The following NCOA3 variants were observed in gnomAD, a reference collection of about 807,000 sequenced individuals.
The protein encoded by NCOA3 is CBP-interacting protein.
NCOA3 carries 51 observed loss-of-function variants against 158.8 expected under a neutral mutation model. The observed-to-expected ratio is 0.32, with a 90% CI of 0.26 to 0.41. The LOEUF (loss-of-function observed/expected upper bound fraction) is 0.41. Among genes scored for constraint, NCOA3 ranks in the 10% least tolerant of loss-of-function variants. The pLI, the probability that NCOA3 is intolerant of heterozygous loss-of-function variation, is 1.00. For synonymous variants in NCOA3, 537 were observed against 592.4 expected, an observed-to-expected ratio of 0.91 and a Z score of 1.36; for missense variants, 1,510 against 1,746.6, an observed-to-expected ratio of 0.86 and a Z score of 2.41.
At chr20:47,650,934 G>T (rs551376513) in intron 19 of NCOA3, 48 bp from the exon 20 acceptor site, 1 of 1,555,480 alleles carries the variant, frequency 6.4e-7, no homozygotes, top group East Asian at 2.3e-5. Context: ...TATGCAACTG[G>T]CAGGTTCTTG....
At chr20:47,581,721 G>A (rs771758706) in intron 1 of NCOA3, among the ~76,000 whole-genome samples, 4 of 152,214 alleles carry the variant, frequency 2.6e-5, no homozygotes, top group African/African-American at 4.8e-5. Context: ...TAAAGTGAAT[G>A]TTCTTACTGG....
rs141950252 is a variant in NCOA3, at chr20:47,519,293, G to A, written c.-99+17274G>A. 2.8e-3 allele frequency among the ~76,000 whole-genome samples: 423 copies of A among 151,950 alleles called. 1 individual carries two copies. The highest frequency in any genetic ancestry group is 9.1e-3 in the African/African-American group (379 of 41,462). ...CTACTAAAAATATGAAAAGCCAGGC[G>A]TGGTGGCGTGTGCCTGTAGTCCCAG... On this transcript the variant is annotated intron_variant, in intron 1 of 22. Coordinates refer to ENST00000371998, the MANE Select transcript of NCOA3 (RefSeq NM_181659.3).
At chr20:47,606,739 T>C (rs963705715) in intron 2 of NCOA3, among the ~76,000 whole-genome samples, 3 of 152,250 alleles carry the variant, frequency 2.0e-5, no homozygotes, top group Admixed American at 1.3e-4. Flanking sequence ...ACACCATTTT[T>C]ACTTGGATGA....
rs886303773 is a variant in NCOA3, at chr20:47,555,349, G to A, written c.-98-27834G>A. Among the ~76,000 whole-genome samples, 9 of 152,198 alleles carry A rather than the reference G, an allele frequency of 5.9e-5. 1 individual carries two copies. The highest frequency in any genetic ancestry group is 2.9e-5 in the Non-Finnish European group (2 of 68,042). ...TCTAGAAAAAAGAATATTGGAGTGG[G>A]AGGCCAGGGCCCTGCACTGATCTTC... On this transcript the variant is annotated intron_variant, in intron 1 of 22. Transcript: ENST00000371998.
At chr20:47,512,694 A>G (rs1454530024) in intron 1 of NCOA3, among the ~76,000 whole-genome samples, 3 of 152,178 alleles carry the variant, frequency 2.0e-5, no homozygotes, top group Admixed American at 6.5e-5. Flanking sequence ...TGAAAACTAC[A>G]ATGAGATACC....
At chr20:47,502,649 G>A (rs2083956350) in intron 1 of NCOA3, among the ~76,000 whole-genome samples, 1 of 151,900 alleles carries the variant, frequency 6.6e-6, no homozygotes, top group Non-Finnish European at 1.5e-5. Context: ...GCTGGGAAAT[G>A]GCAAGTGGGA....
intron 1 of NCOA3, among the ~76,000 whole-genome samples, chr20:47,516,795 C>T (rs540927602): frequency 7.2e-5 from 11 of 152,072 alleles, no homozygotes; most frequent in Non-Finnish European, 1.5e-4. Context: ...GGCATAGTGG[C>T]ACACACCTGT....
rs149561356 is a variant in NCOA3 at position 47,647,173 on chromosome 20, A to C, written c.3353A>C (p.Gln1118Pro). The change falls in exon 18 of 23, where the codon CAG becomes CCG. Residue 1118 changes from glutamine to proline, a missense_variant. Physicochemically the swap from Gln to Pro is moderately conservative, Grantham distance 76. This residue lies in a region of NCOA3 where 1,017 missense variants were observed against 1,098.3 expected (regional missense o/e 0.93). Transcript: ENST00000371998. ...AGLYGQTYPA[Q>P]GPPMQGGFHL... ...TTATATGGACAGACATACCCAGCAC[A>C]GGGGCCTCCAATGCAAGGAGGCTTT... is the stretch of plus-strand genomic sequence containing the variant. 3,401 of 1,614,186 alleles carry C rather than the reference A, an allele frequency of 2.1e-3. 14 individuals are homozygous for C. The highest frequency in any genetic ancestry group is 1.7e-3 in the Non-Finnish European group (1,978 of 1,180,000).
intron 2 of NCOA3, among the ~76,000 whole-genome samples, chr20:47,590,112 ATCTTT>A (rs1328609449): frequency 6.6e-6 from 1 of 151,888 alleles, no homozygotes; most frequent in African/African-American, 2.4e-5. Flanking sequence ...CTGCCCTACT[ATCTTT>A]GTTATAGTGG....
intron 3 of NCOA3, 23 bp downstream of exon 3, chr20:47,622,353 C>T: frequency 7.0e-7 from 1 of 1,426,228 alleles, no homozygotes; most frequent in East Asian, 2.4e-5. Context: ...TTTCCTGGTG[C>T]TTTACCACAC....
At chr20:47,628,769 T>C (rs754626896) in intron 8 of NCOA3, 1 of 152,162 alleles carries the variant, frequency 6.6e-6, no homozygotes, top group Non-Finnish European at 1.5e-5. Context: ...TTTTTAATCA[T>C]AGAAATAAAA....
chr20:47,509,374 A>T (rs1314557781), intron 1 of NCOA3, among the ~76,000 whole-genome samples: 2 of 152,218 alleles, frequency 1.3e-5, no homozygotes, highest in Non-Finnish European at 2.9e-5. Flanking sequence ...AGCCTGAGTG[A>T]CAGAGTGAGA....
chr20:47,510,686 T>TGGGCTCAAGCGGTCCTCCC (rs2084106797), intron 1 of NCOA3, among the ~76,000 whole-genome samples: 1 of 151,856 alleles, frequency 6.6e-6, no homozygotes, highest in Admixed American at 6.6e-5. Flanking sequence ...CTTGACCTAC[T>TGGGCTCAAGCGGTCCTCCC]GGGCTCAAGC....
At chr20:47,525,161 TC>T (rs2084407398) in intron 1 of NCOA3, among the ~76,000 whole-genome samples, 1 of 150,324 alleles carries the variant, frequency 6.7e-6, no homozygotes, top group Non-Finnish European at 1.5e-5. Context: ...CCTTCAAGCA[TC>T]TGTTTAACAA....
intron 13 of NCOA3, 105 bp from the exon 14 acceptor site, chr20:47,638,903 G>C (rs1216347545): frequency 2.1e-6 from 2 of 939,322 alleles, no homozygotes; most frequent in African/African-American, 1.7e-5. Flanking sequence ...GTTTGTTTTT[G>C]TAAGAAAGAC....
chr20:47,649,280 G>A (rs1036893657), intron 19 of NCOA3, among the ~76,000 whole-genome samples, 171 bp downstream of exon 19: 1 of 152,168 alleles, frequency 6.6e-6, no homozygotes, highest in Non-Finnish European at 1.5e-5. Context: ...CTCTCTGGCT[G>A]GTGACTGGGA....
chr20:47,635,417 T>C lies in NCOA3; in HGVS notation c.1208T>C (p.Met403Thr). Residue 403 changes from methionine to threonine, a missense_variant, in exon 11 of 23, where the codon ATG becomes ACG. Around this residue, in one of 4 missense-constraint regions of NCOA3, gnomAD observed 1,017 missense variants for 1,098.3 expected, o/e 0.93. Transcript: ENST00000371998. ...GCNSSVGGMS[M>T]SPNQGLQMPS... ...AACAGTTCGGTAGGCGGCATGAGTA[T>C]GTCGCCAAACCAAGGCTTACAGATG... The C allele has an allele frequency of 6.2e-7, 1 of 1,614,196 alleles. No homozygotes were observed. Among genetic ancestry groups the C allele is most frequent in the Non-Finnish European group, 8.5e-7 (1 of 1,180,034 alleles).
chr20:47,559,507 G>A (rs2085065088), intron 1 of NCOA3, among the ~76,000 whole-genome samples: 1 of 152,110 alleles, frequency 6.6e-6, no homozygotes. Flanking sequence ...CTTATATCCT[G>A]ATGCTTGCTT....
intron 1 of NCOA3, among the ~76,000 whole-genome samples, chr20:47,539,169 G>A (rs959031143): frequency 7.2e-5 from 11 of 152,056 alleles, no homozygotes; most frequent in Non-Finnish European, 1.5e-4. Context: ...ATTTGTATGT[G>A]CTGCCAGGCA....
Sources: allele counts gnomAD v4.1 joint callset (sites outside exome capture counted in the v4.1 genomes callset), GRCh38; gene constraint gnomAD v4.1.1; regional missense constraint gnomAD v4.1.1; transcripts MANE v1.5; gene names NCBI Gene and HGNC (gene_info 2026-07-23, HGNC 2026-07-21).